PHACTR1: variants seen among roughly 807,000 people sequenced by gnomAD.
PHACTR1 encodes the protein RPEL repeat containing 1.
PHACTR1 carries 16 observed loss-of-function variants against 69.2 expected under a neutral mutation model. The observed-to-expected ratio is 0.23, with a 90% confidence interval of 0.16 to 0.35. The LOEUF (loss-of-function observed/expected upper bound fraction) is 0.35. Ranked by LOEUF, PHACTR1 falls within the 10% of genes least tolerant of loss-of-function variation. The pLI, the probability that PHACTR1 is intolerant of heterozygous loss-of-function variation, is 1.00. For synonymous variants in PHACTR1, 312 were observed against 284.5 expected, an observed-to-expected ratio of 1.10 and a Z score of -0.97; for missense variants, 510 against 734.7, an observed-to-expected ratio of 0.69 and a Z score of 3.54.
chr6:12,816,742 C>T (rs1775633437), intron 4 of PHACTR1, among the ~76,000 whole-genome samples: 1 of 152,122 alleles, frequency 6.6e-6, no homozygotes, highest in African/African-American at 2.4e-5. Flanking sequence ...CAGTAACAAG[C>T]TAGAGGGGGT....
At chr6:13,038,191 T>A (rs1803614600) in intron 4 of PHACTR1, among the ~76,000 whole-genome samples, 1 of 152,180 alleles carries the variant, frequency 6.6e-6, no homozygotes, top group African/African-American at 2.4e-5. Context: ...TCCCCATATT[T>A]CAGATGTGGT....
At chr6:13,075,374 A>G (rs1810273228) in intron 5 of PHACTR1, among the ~76,000 whole-genome samples, 3 of 152,164 alleles carry the variant, frequency 2.0e-5, no homozygotes, top group Admixed American at 6.5e-5. Context: ...AGCCCACTAT[A>G]GCTTCCCTCA....
At chr6:12,816,021 C>T (rs905875804) in intron 4 of PHACTR1, among the ~76,000 whole-genome samples, 1 of 152,320 alleles carries the variant, frequency 6.6e-6, no homozygotes, top group Non-Finnish European at 1.5e-5. Flanking sequence ...TAACTCACTA[C>T]ACCTCTTCAC....
At chr6:13,230,256 A>G (rs755743060) in intron 10 of PHACTR1, 63 bp downstream of exon 10, 1 of 1,565,358 alleles carries the variant, frequency 6.4e-7, no homozygotes, top group African/African-American at 1.4e-5. Flanking sequence ...GTTCTAGCAA[A>G]AGAATTCAGT....
chr6:13,105,279 T>C (rs1177644607), intron 5 of PHACTR1, among the ~76,000 whole-genome samples: 1 of 152,012 alleles, frequency 6.6e-6, no homozygotes, highest in Non-Finnish European at 1.5e-5. Context: ...CACTGGTAGC[T>C]GAGTTGGGGG....
At chr6:13,157,149 T>A (rs1758301185) in intron 5 of PHACTR1, among the ~76,000 whole-genome samples, 1 of 152,206 alleles carries the variant, frequency 6.6e-6, no homozygotes, top group Non-Finnish European at 1.5e-5. Flanking sequence ...ACCAGCTTTC[T>A]TTCTGTTCCT....
chr6:13,006,260 C>G (rs1305304462), intron 4 of PHACTR1, among the ~76,000 whole-genome samples: 1 of 152,194 alleles, frequency 6.6e-6, no homozygotes, highest in African/African-American at 2.4e-5. Context: ...GTGTCCTGTG[C>G]CTGTAGTCCG....
chr6:13,098,398 C>T (rs1277081063), intron 5 of PHACTR1, among the ~76,000 whole-genome samples: 8 of 152,186 alleles, frequency 5.3e-5, no homozygotes, highest in Admixed American at 5.2e-4. Context: ...TGTTACATCC[C>T]TGTGGGTTGC....
intron 10 of PHACTR1, 87 bp downstream of exon 10, chr6:13,230,280 A>T (rs1162976746): frequency 6.5e-7 from 1 of 1,544,324 alleles, no homozygotes; most frequent in East Asian, 2.5e-5. Flanking sequence ...GGCCGGGCGC[A>T]GTAGCTTATG....
intron 5 of PHACTR1, among the ~76,000 whole-genome samples, chr6:13,077,226 G>A (rs1298650458): frequency 6.7e-6 from 1 of 149,796 alleles, no homozygotes; most frequent in Non-Finnish European, 1.5e-5. Flanking sequence ...TGTGGTTTAT[G>A]CATTCACTTG....
At chr6:13,081,639 T>C (rs1811388087) in intron 5 of PHACTR1, among the ~76,000 whole-genome samples, 2 of 151,724 alleles carry the variant, frequency 1.3e-5, no homozygotes, top group South Asian at 2.1e-4. Flanking sequence ...CTGGGCAACA[T>C]AGTAAGACCC....
At chr6:13,054,312 A>G (rs1443901298) in intron 5 of PHACTR1, among the ~76,000 whole-genome samples, 1 of 152,230 alleles carries the variant, frequency 6.6e-6, no homozygotes, top group Non-Finnish European at 1.5e-5. Flanking sequence ...GCAGAGGGAA[A>G]TGTGCTACAG....
chr6:13,147,785 G>A (rs997616001), intron 5 of PHACTR1, among the ~76,000 whole-genome samples: 7 of 152,090 alleles, frequency 4.6e-5, no homozygotes, highest in Non-Finnish European at 8.8e-5. Context: ...TAACAATGTC[G>A]TTTAATTTTT....
intron 5 of PHACTR1, among the ~76,000 whole-genome samples, chr6:13,088,497 C>T (rs776815045): frequency 1.3e-5 from 2 of 152,058 alleles, no homozygotes; most frequent in Non-Finnish European, 2.9e-5. Context: ...TTTATTGATC[C>T]ATTTAATTAT....
intron 5 of PHACTR1, among the ~76,000 whole-genome samples, chr6:13,147,252 A>G (rs527731460): frequency 6.6e-6 from 1 of 152,334 alleles, no homozygotes; most frequent in Non-Finnish European, 1.5e-5. Context: ...TTCTGTTCGA[A>G]TTTGATTTGA....
Position 12,817,099 on chromosome 6 carries a change from C to T in PHACTR1, c.250+67309C>T, listed in dbSNP as rs1035541408. ...GTGGTAATATGGCTTCTTTGATTGTCGGGAAGATAGGATTAGGATCATACT... is the reference window on the plus strand; with the variant it reads ...GTGGTAATATGGCTTCTTTGATTGTTGGGAAGATAGGATTAGGATCATACT... On this transcript the variant is annotated intron_variant, in intron 4 of 14. Coordinates refer to ENST00000332995, the MANE Select transcript of PHACTR1 (RefSeq NM_030948.6). Among the ~76,000 whole-genome samples, 11 of 152,076 alleles carry T rather than the reference C, an allele frequency of 7.2e-5. No individual in the cohort carries two copies. The East Asian group carries it at 1.9e-3, about 27-fold the overall frequency.
At chr6:12,779,391 A>G (rs1382172104) in intron 4 of PHACTR1, among the ~76,000 whole-genome samples, 1 of 152,214 alleles carries the variant, frequency 6.6e-6, no homozygotes, top group Non-Finnish European at 1.5e-5. Context: ...ATTTTTCAAA[A>G]AAAAAGAAAT....
chr6:13,179,295 G>C lies in PHACTR1; in HGVS notation c.497-3224G>C, dbSNP rs1761837156. On this transcript the variant is annotated intron_variant, in intron 6 of 14. Transcript: ENST00000332995. The surrounding 1 kb of genome is among the most constrained non-coding windows in gnomAD (Gnocchi z 4.2). ...TACTGATATATAAATAGCAGGACAT[G>C]GAGAGACTAGTCTTCAAATTCATAA... is the stretch of plus-strand genomic sequence containing the variant. Among the ~76,000 whole-genome samples, 1 of 152,024 alleles carries C rather than the reference G, an allele frequency of 6.6e-6. No individual in the cohort carries two copies. Among genetic ancestry groups the C allele is most frequent in the Non-Finnish European group, 1.5e-5 (1 of 68,004 alleles).
chr6:13,184,628 T>C (rs1471199388), intron 7 of PHACTR1, among the ~76,000 whole-genome samples: 3 of 152,228 alleles, frequency 2.0e-5, no homozygotes, highest in African/African-American at 4.8e-5. Flanking sequence ...GTCCTCCTGC[T>C]TCACTGGATT....
Sources: allele counts gnomAD v4.1 joint callset (sites outside exome capture counted in the v4.1 genomes callset), GRCh38; gene constraint gnomAD v4.1.1; non-coding constraint Gnocchi (gnomAD v3.1); transcripts MANE v1.5; gene names NCBI Gene and HGNC (gene_info 2026-07-23, HGNC 2026-07-21).